DNAH8: variants seen among roughly 807,000 people sequenced by gnomAD.
The protein encoded by DNAH8 is dynein axonemal heavy chain 8, also known as axonemal beta dynein heavy chain 8.
In DNAH8, 382 loss-of-function variants were observed where a neutral mutation model predicts 562.1. That is an observed-to-expected ratio of 0.68 (90% CI 0.63 to 0.74). DNAH8 has a LOEUF of 0.74. DNAH8 is among the 30% of genes least tolerant of loss of function. The pLI, the probability that DNAH8 is intolerant of heterozygous loss-of-function variation, is 0.00. For synonymous variants in DNAH8, 1,881 were observed against 1,919.4 expected (o/e 0.98, Z 0.52); for missense variants, 5,203 against 5,620.4 (o/e 0.93, Z 2.37).
At chr6:38,983,375 C>G (rs565983788) in intron 86 of DNAH8, among the ~76,000 whole-genome samples, 21 of 152,236 alleles carry the variant, frequency 1.4e-4, no homozygotes, top group Middle Eastern at 3.4e-3. Flanking sequence ...AGTGTTTACT[C>G]TAGTACCAAA....
At chr6:38,937,022 T>TA (rs921085505) in intron 77 of DNAH8, among the ~76,000 whole-genome samples, 18 of 150,304 alleles carry the variant, frequency 1.2e-4, no homozygotes, top group African/African-American at 3.4e-4. Context: ...AAAACAATAA[T>TA]AAAAAAAAAG....
chr6:38,914,062 C>A, intron 67 of DNAH8, 110 bp downstream of exon 67: 1 of 757,398 alleles, frequency 1.3e-6, no homozygotes, highest in Non-Finnish European at 2.2e-6. Flanking sequence ...TGGACAATTC[C>A]TGATAAGATA....
chr6:38,873,727 T>TACACACACAC (rs762717515), intron 52 of DNAH8, among the ~76,000 whole-genome samples: 1,485 of 96,414 alleles, frequency 0.015, 10 homozygotes, highest in Non-Finnish European at 0.018. Context: ...CACATACACC[T>TACACACACAC]ACACACACAC....
At position 38,874,070 on chromosome 6, in the gene DNAH8, T is replaced by C. The variant is rs200650871; in HGVS notation, c.7620+694T>C. Among the ~76,000 whole-genome samples, 333 of 65,328 alleles carry C rather than the reference T, an allele frequency of 5.1e-3. 47 individuals are homozygous for C. The highest frequency in any genetic ancestry group is 0.012 in the South Asian group (17 of 1,374). 42.9% of individuals were successfully genotyped at this position (65,328 alleles called of 152,430 possible). A position where few individuals can be genotyped will look rare whatever the true frequency, so the allele number is the denominator to read the frequency against. ...TCTTTCTTTCTTTCTTTCTTTCTTTTTCTTTCTTTCTTTCTTTCTTTCTTT... is the reference window on the plus strand; with the variant it reads ...TCTTTCTTTCTTTCTTTCTTTCTTTCTCTTTCTTTCTTTCTTTCTTTCTTT... On this transcript the variant is annotated intron_variant, in intron 52 of 92. Transcript: ENST00000327475.
At chr6:38,906,490 A>T in intron 63 of DNAH8, 83 bp downstream of exon 63, 2 of 1,159,326 alleles carry the variant, frequency 1.7e-6, no homozygotes, top group Non-Finnish European at 1.2e-6. Flanking sequence ...CCTTTCAAAA[A>T]TGAGGCTATT....
At position 38,883,476 on chromosome 6, in the gene DNAH8, G is replaced by C. The variant is rs148646315; in HGVS notation, c.8136+20G>C. On this transcript the variant is annotated intron_variant, in intron 55 of 92. Coordinates refer to ENST00000327475, the MANE Select transcript of DNAH8 (RefSeq NM_001206927.2). Reference sequence around the variant, plus strand: ...TTTCAGGTGAAATCCATCATTTGCTGTAATATTATAAACATAATACATTTT... The same window carrying C: ...TTTCAGGTGAAATCCATCATTTGCTCTAATATTATAAACATAATACATTTT... The C allele has an allele frequency of 1.8e-5, 29 of 1,600,828 alleles. No individual in the cohort carries two copies. The East Asian group carries it at 6.1e-4, about 33-fold the overall frequency.
chr6:38,724,137 C>T (rs902846578), intron 3 of DNAH8, among the ~76,000 whole-genome samples: 1 of 152,104 alleles, frequency 6.6e-6, no homozygotes, highest in Non-Finnish European at 1.5e-5. Flanking sequence ...ACCACCACGC[C>T]CAGCTAAATT....
At chr6:38,887,714 A>G (rs1779044119) in intron 57 of DNAH8, among the ~76,000 whole-genome samples, 1 of 152,110 alleles carries the variant, frequency 6.6e-6, no homozygotes, top group South Asian at 2.1e-4. Flanking sequence ...CTAAAAAACC[A>G]AAAAACAAAC....
intron 92 of DNAH8, among the ~76,000 whole-genome samples, chr6:39,028,811 T>A (rs1305759815): frequency 2.6e-5 from 4 of 152,236 alleles, no homozygotes; most frequent in Non-Finnish European, 5.9e-5. Context: ...TAACCATATG[T>A]CCTGATTTTC....
At position 38,734,517 on chromosome 6, in the gene DNAH8, G is replaced by A. The variant is rs750965126; in HGVS notation, c.654G>A (p.Met218Ile). The change falls in exon 5 of 93, where the codon ATG (methionine) becomes ATA (isoleucine). Residue 218 changes from methionine to isoleucine, a missense_variant. Met to Ile is a conservative substitution (Grantham distance 10). Transcript: ENST00000327475. ...CTGGAGCAACTAAAGGGGCAAAAATGATGAAATTGTATATAGACAATGCAG... is the reference window on the plus strand; with the variant it reads ...CTGGAGCAACTAAAGGGGCAAAAATAATGAAATTGTATATAGACAATGCAG... ...TIAGATKGAK[M>I]MKLYIDNAAP... 3 of 1,613,810 alleles carry A rather than the reference G, an allele frequency of 1.9e-6. No homozygotes were observed. Among genetic ancestry groups the A allele is most frequent in the Non-Finnish European group, 2.5e-6 (3 of 1,179,944 alleles).
rs751548603 is a variant in DNAH8 at position 38,779,138 on chromosome 6, A to C, written c.2039+674A>C. ...GCGGGACTAGAAGCCTTTCCCTTTCAGCACAGGGAGGGCTCAAGACCTGTG... is the reference window on the plus strand; with the variant it reads ...GCGGGACTAGAAGCCTTTCCCTTTCCGCACAGGGAGGGCTCAAGACCTGTG... On this transcript the variant is annotated intron_variant, in intron 14 of 92. Transcript: ENST00000327475. Among the ~76,000 whole-genome samples the C allele has an allele frequency of 7.9e-5, 12 of 152,136 alleles. 1 individual carries two copies. The highest frequency in any genetic ancestry group is 2.0e-4 in the Admixed American group (3 of 15,254).
rs1767463153 is a variant in DNAH8, at chr6:38,770,503, G to A, written c.1708G>A (p.Val570Ile). Reference protein sequence around the residue: ...SESSGEKSFEVSEMYIFGKFE... With the variant: ...SESSGEKSFEISEMYIFGKFE... ...ATCCTCAGGGGAAAAATCTTTTGAG[G>A]TTTCAGAAATGTATATATTTGGAAA... The change falls in exon 12 of 93, where the codon GTT (valine) becomes ATT (isoleucine). Residue 570 changes from valine to isoleucine, a missense_variant. Around this residue, in one of 6 missense-constraint regions of DNAH8, gnomAD observed 2,176 missense variants for 2,365.1 expected, o/e 0.92. Coordinates refer to ENST00000327475, the MANE Select transcript of DNAH8 (RefSeq NM_001206927.2). 6.2e-7 allele frequency: 1 copy of A among 1,607,314 alleles called. No homozygotes were observed. The highest frequency in any genetic ancestry group is 8.5e-7 in the Non-Finnish European group (1 of 1,178,180).
chr6:38,752,525 A>T (rs1370129392), intron 9 of DNAH8, among the ~76,000 whole-genome samples: 1 of 152,120 alleles, frequency 6.6e-6, no homozygotes, highest in East Asian at 1.9e-4. Context: ...CTAATTTTTT[A>T]AGAAGTAGTC....
At chr6:38,763,501 G>C (rs1312445155) in intron 11 of DNAH8, 1 of 221,532 alleles carries the variant, frequency 4.5e-6, no homozygotes, top group African/African-American at 2.4e-5. Context: ...TGTGATACAA[G>C]GATAAAAAAA....
chr6:39,020,579 A>G (rs1460709651), intron 91 of DNAH8, among the ~76,000 whole-genome samples: 1 of 152,132 alleles, frequency 6.6e-6, no homozygotes, highest in African/African-American at 2.4e-5. Flanking sequence ...GGTTTGTTAC[A>G]TAAGTATACA....
chr6:38,951,507 G>T lies in DNAH8; in HGVS notation c.12438G>T (p.Lys4146Asn). ...CCAATCAAATTGATGCATTGGCCAA[G>T]AAACTGAAACTGGGTAAGACTAGCA... ...DPTNQIDALAKKLKLECRTIS... is the reference protein window; with the variant it reads ...DPTNQIDALANKLKLECRTIS... Residue 4146 changes from lysine to asparagine, a missense_variant, in exon 82 of 93, where the codon AAG becomes AAT. Lys to Asn is a moderately conservative substitution (Grantham distance 94, BLOSUM62 0). Transcript: ENST00000327475. 1.2e-6 allele frequency: 2 copies of T among 1,613,696 alleles called. No individual in the cohort carries two copies. The highest frequency in any genetic ancestry group is 1.7e-6 in the Non-Finnish European group (2 of 1,179,814).
chr6:38,781,166 G>A, intron 15 of DNAH8, 88 bp from the exon 16 acceptor site: 1 of 1,427,640 alleles, frequency 7.0e-7, no homozygotes, highest in Non-Finnish European at 9.7e-7. Flanking sequence ...CATGAATAAT[G>A]ATAAAACAAT....
chr6:38,803,324 G>A lies in DNAH8; in HGVS notation c.3034+13G>A, dbSNP rs748044961. ...GGAAAACAGTCAGGTAACTTTTCTC[G>A]TTACTGTGTTTGAATTACAAGATCT... On this transcript the variant is annotated intron_variant, in intron 22 of 92. Coordinates refer to ENST00000327475, the MANE Select transcript of DNAH8 (RefSeq NM_001206927.2). 6.9e-6 allele frequency: 11 copies of A among 1,590,228 alleles called. No homozygotes were observed. The highest frequency in any genetic ancestry group is 5.8e-5 in the South Asian group (5 of 86,472).
chr6:38,824,483 A>C (rs1416305392), intron 28 of DNAH8, among the ~76,000 whole-genome samples: 2 of 152,144 alleles, frequency 1.3e-5, no homozygotes, highest in African/African-American at 4.8e-5. Context: ...TTTGGGTTTA[A>C]AGCTGGTTGT....
Sources: allele counts gnomAD v4.1 joint callset (sites outside exome capture counted in the v4.1 genomes callset), GRCh38; gene constraint gnomAD v4.1.1; regional missense constraint gnomAD v4.1.1; transcripts MANE v1.5; gene names NCBI Gene and HGNC (gene_info 2026-07-23, HGNC 2026-07-21).